EEIG2: variants seen among roughly 807,000 people sequenced by gnomAD.
EEIG2 encodes EEIG family member 2.
chr1:108,560,509 C>T, the EEIG2 span: 1 of 1,613,082 alleles, frequency 6.2e-7, no homozygotes, highest in South Asian at 1.1e-5. Context: ...TCAATGGGGT[C>T]CTCTTCTGCA....
At chr1:108,622,594 A>G in the EEIG2 span, among the ~76,000 whole-genome samples, 3 of 152,162 alleles carry the variant, frequency 2.0e-5, no homozygotes, top group Non-Finnish European at 4.4e-5. Flanking sequence ...CAAGAAGAAA[A>G]CAGTTTTGGG....
chr1:108,574,477 G>A, the EEIG2 span, among the ~76,000 whole-genome samples: 9 of 152,322 alleles, frequency 5.9e-5, no homozygotes, highest in South Asian at 6.2e-4. Flanking sequence ...TGGGCCAGGC[G>A]TGGTGGCTCA....
the EEIG2 span, among the ~76,000 whole-genome samples, chr1:108,607,077 C>G: frequency 5.3e-5 from 8 of 152,198 alleles, no homozygotes; most frequent in Non-Finnish European, 8.8e-5. Flanking sequence ...AGAGATTTTT[C>G]CTATGTTACA....
the EEIG2 span, among the ~76,000 whole-genome samples, chr1:108,593,751 A>G: frequency 9.5e-4 from 145 of 152,216 alleles, no homozygotes; most frequent in Non-Finnish European, 1.8e-3. Context: ...TAACATGTTG[A>G]TATATGAATC....
chr1:108,625,006 G>A, the EEIG2 span: 1 of 331,978 alleles, frequency 3.0e-6, no homozygotes, highest in Non-Finnish European at 5.5e-6. Flanking sequence ...AATACTACAG[G>A]ATTTTTTCCA....
the EEIG2 span, among the ~76,000 whole-genome samples, chr1:108,585,838 G>A: frequency 6.6e-6 from 1 of 151,994 alleles, no homozygotes; most frequent in Non-Finnish European, 1.5e-5. Flanking sequence ...TGGCCATGTC[G>A]TTGGCTCATT....
chr1:108,630,950 C>G, the EEIG2 span, among the ~76,000 whole-genome samples: 22 of 152,246 alleles, frequency 1.4e-4, no homozygotes, highest in African/African-American at 4.8e-4. Context: ...ATGAGTACCT[C>G]CTATTTGTCC....
chr1:108,612,465 T>C, the EEIG2 span, among the ~76,000 whole-genome samples: 2 of 152,214 alleles, frequency 1.3e-5, no homozygotes, highest in Non-Finnish European at 2.9e-5. Flanking sequence ...ACAAATGCAG[T>C]GAAAAGTAAC....
At chr1:108,596,717 G>A in the EEIG2 span, among the ~76,000 whole-genome samples, 1,012 of 150,936 alleles carry the variant, frequency 6.7e-3, 8 homozygotes, top group African/African-American at 0.023. Flanking sequence ...GCTCTGTTTT[G>A]TTCAAGTTGC....
chr1:108,628,134 A>T, the EEIG2 span: 1 of 1,594,950 alleles, frequency 6.3e-7, no homozygotes, highest in East Asian at 2.2e-5. Context: ...CTTTTTGGCA[A>T]TAAGAATGAC....
the EEIG2 span, among the ~76,000 whole-genome samples, chr1:108,598,619 T>G: frequency 6.6e-6 from 1 of 152,118 alleles, no homozygotes; most frequent in African/African-American, 2.4e-5. Flanking sequence ...CATGATTCAT[T>G]AAATCACTTA....
At chr1:108,619,114 T>A in the EEIG2 span, among the ~76,000 whole-genome samples, 1 of 152,216 alleles carries the variant, frequency 6.6e-6, no homozygotes, top group Non-Finnish European at 1.5e-5. Context: ...ATTCCCTTTC[T>A]TGCCCTTTCT....
chr1:108,629,641 C>T, the EEIG2 span: 1 of 1,610,360 alleles, frequency 6.2e-7, no homozygotes, highest in Non-Finnish European at 8.5e-7. Context: ...CTTTGGCAGT[C>T]ATCATCTTCC....
At chr1:108,583,340 T>C in the EEIG2 span, among the ~76,000 whole-genome samples, 1 of 151,996 alleles carries the variant, frequency 6.6e-6, no homozygotes, top group African/African-American at 2.4e-5. Flanking sequence ...AGATGGAGTT[T>C]CACCACATTG....
the EEIG2 span, chr1:108,625,821 TGTGTGTGG>T: frequency 6.1e-4 from 10 of 16,292 alleles, no homozygotes; most frequent in African/African-American, 9.5e-4. Flanking sequence ...TGTGTGTGTG[TGTGTGTGG>T]AGAGAGAGAG....
the EEIG2 span, among the ~76,000 whole-genome samples, chr1:108,607,217 G>C: frequency 2.0e-3 from 310 of 152,294 alleles, no homozygotes; most frequent in African/African-American, 7.3e-3. Context: ...TTCTTGGCCA[G>C]CTCCCCTCCT....
the EEIG2 span, among the ~76,000 whole-genome samples, chr1:108,589,619 T>A: frequency 6.6e-6 from 1 of 152,048 alleles, no homozygotes; most frequent in Admixed American, 6.6e-5. Flanking sequence ...GTTGACGTGT[T>A]AGCCTCCTTT....
At chr1:108,614,205 T>TTAAA in the EEIG2 span, among the ~76,000 whole-genome samples, 1 of 101,222 alleles carries the variant, frequency 9.9e-6, no homozygotes, top group African/African-American at 3.9e-5. Flanking sequence ...ACCCCATCTC[T>TTAAA]AAAAAAAAAA....
the EEIG2 span, among the ~76,000 whole-genome samples, chr1:108,604,334 A>G: frequency 1.3e-5 from 2 of 152,224 alleles, no homozygotes; most frequent in African/African-American, 4.8e-5. Context: ...TAGATGAATC[A>G]CAGAGACCAC....
Sources: allele counts gnomAD v4.1 joint callset (sites outside exome capture counted in the v4.1 genomes callset), GRCh38; gene constraint gnomAD v4.1.1; transcripts MANE v1.5; gene names NCBI Gene and HGNC (gene_info 2026-07-23, HGNC 2026-07-21).